Variants in GRIK2 observed in about 807,000 individuals in gnomAD.
GRIK2 encodes the protein glutamate ionotropic receptor kainate type subunit 2.
Under a neutral mutation model 100.3 loss-of-function variants are expected in GRIK2, and 32 were observed. That is an observed-to-expected ratio of 0.32 (90% CI 0.24 to 0.43). The LOEUF is 0.43. GRIK2 is among the 20% of genes least tolerant of loss of function. GRIK2 has a pLI of 1.00. For synonymous variants in GRIK2, 417 were observed against 389.4 expected, an observed-to-expected ratio of 1.07 and a Z score of -0.83; for missense variants, 843 against 1,114.9, an observed-to-expected ratio of 0.76 and a Z score of 3.47.
chr6:101,495,002 A>ATATATAT (rs1773357416), intron 2 of GRIK2, among the ~76,000 whole-genome samples: 1 of 78,254 alleles, frequency 1.3e-5, no homozygotes, highest in Non-Finnish European at 2.8e-5. Flanking sequence ...TATATATATG[A>ATATATAT]AGGAAAATTA....
intron 12 of GRIK2, among the ~76,000 whole-genome samples, chr6:101,892,317 C>T (rs1787158873): frequency 6.6e-6 from 1 of 152,062 alleles, no homozygotes; most frequent in Non-Finnish European, 1.5e-5. Context: ...ATCTGGTTTC[C>T]TTTCTAGCTT....
chr6:101,577,000 T>C (rs955667466), intron 2 of GRIK2, among the ~76,000 whole-genome samples: 1 of 152,006 alleles, frequency 6.6e-6, no homozygotes, highest in African/African-American at 2.4e-5. Context: ...TAGAAGCAAA[T>C]GATAAGGATT....
chr6:101,760,543 A>C (rs1341665026), intron 7 of GRIK2, among the ~76,000 whole-genome samples: 2 of 90,442 alleles, frequency 2.2e-5, no homozygotes, highest in Non-Finnish European at 1.9e-5. Flanking sequence ...ATTTAATTAT[A>C]TATTTATTAT....
At chr6:101,905,684 A>G (rs1175078497) in intron 12 of GRIK2, among the ~76,000 whole-genome samples, 1 of 151,426 alleles carries the variant, frequency 6.6e-6, no homozygotes, top group African/African-American at 2.4e-5. Context: ...TACTACATCT[A>G]TCAATCATCT....
intron 4 of GRIK2, among the ~76,000 whole-genome samples, chr6:101,671,276 A>G (rs1007413609): frequency 1.3e-5 from 2 of 152,206 alleles, no homozygotes; most frequent in African/African-American, 2.4e-5. Context: ...CCTTGATACC[A>G]TATTAGCAAT....
intron 14 of GRIK2, among the ~76,000 whole-genome samples, chr6:101,965,741 T>C (rs976408562): frequency 6.6e-6 from 1 of 152,094 alleles, no homozygotes; most frequent in Non-Finnish European, 1.5e-5. Context: ...GTGGAATTGG[T>C]TAATTTTACC....
intron 2 of GRIK2, among the ~76,000 whole-genome samples, chr6:101,439,458 GA>G (rs1769925457): frequency 6.6e-6 from 1 of 152,026 alleles, no homozygotes; most frequent in Admixed American, 6.6e-5. Flanking sequence ...AACCCTATGA[GA>G]AAATTATCTA....
At chr6:102,006,113 G>C (rs1425628103) in intron 14 of GRIK2, among the ~76,000 whole-genome samples, 1 of 151,846 alleles carries the variant, frequency 6.6e-6, no homozygotes, top group Non-Finnish European at 1.5e-5. Context: ...GTCAACAAAT[G>C]AATTTGAGGG....
At chr6:101,671,757 G>A (rs201620921) in intron 4 of GRIK2, among the ~76,000 whole-genome samples, 1 of 152,038 alleles carries the variant, frequency 6.6e-6, no homozygotes, top group Non-Finnish European at 1.5e-5. Flanking sequence ...CCAGCTACTC[G>A]GGAGGCTGAG....
intron 2 of GRIK2, among the ~76,000 whole-genome samples, chr6:101,484,206 C>A (rs530248962): frequency 6.6e-6 from 1 of 152,214 alleles, no homozygotes; most frequent in Admixed American, 6.5e-5. Context: ...CTTTTGATAG[C>A]ACATATGAAT....
In GRIK2 at chr6:101,686,222, G is replaced by A; in HGVS notation, c.820G>A (p.Val274Ile). ...TGTTGAGCCCTACCGATACAGTGGTGTTAACATGACAGGGTTCAGAATATT... is the reference window on the plus strand; with the variant it reads ...TGTTGAGCCCTACCGATACAGTGGTATTAACATGACAGGGTTCAGAATATT... The part of the protein sequence containing the change: ...LDVEPYRYSG[V>I]NMTGFRILNT... The change falls in exon 7 of 17, where the codon GTT becomes ATT. Residue 274 changes from valine to isoleucine, a missense_variant. Around this residue, in one of 3 missense-constraint regions of GRIK2, gnomAD observed 519 missense variants for 643.8 expected, o/e 0.81. Transcript: ENST00000369134. The A allele has an allele frequency of 6.2e-7, 1 of 1,612,724 alleles. No individual in the cohort carries two copies. The highest frequency in any genetic ancestry group is 8.5e-7 in the Non-Finnish European group (1 of 1,178,876).
chr6:101,856,732 T>G (rs954317170), intron 10 of GRIK2, among the ~76,000 whole-genome samples: 3 of 152,082 alleles, frequency 2.0e-5, no homozygotes, highest in African/African-American at 7.2e-5. Context: ...GTGGGTGTGA[T>G]TAAACAATGA....
At chr6:101,679,779 G>A (rs978768250) in intron 5 of GRIK2, among the ~76,000 whole-genome samples, 19 of 152,124 alleles carry the variant, frequency 1.2e-4, no homozygotes, top group South Asian at 8.3e-4. Context: ...TGGCTCTGTC[G>A]CCCAGGCTAA....
At chr6:101,818,239 CCTTTA>C in intron 9 of GRIK2, 126 bp from the exon 10 acceptor site, 1 of 596,178 alleles carries the variant, frequency 1.7e-6, no homozygotes. Flanking sequence ...AAACAAGCTG[CCTTTA>C]CTTTAACGGC....
intron 2 of GRIK2, among the ~76,000 whole-genome samples, chr6:101,547,867 C>T (rs1776322138): frequency 6.6e-6 from 1 of 152,166 alleles, no homozygotes; most frequent in South Asian, 2.1e-4. Context: ...ATGGTATTTC[C>T]AGTTCTAGAT....
At chr6:101,983,399 C>CCA (rs1156998164) in intron 14 of GRIK2, among the ~76,000 whole-genome samples, 1 of 151,796 alleles carries the variant, frequency 6.6e-6, no homozygotes, top group African/African-American at 2.4e-5. Context: ...CAGAGTATTG[C>CCA]CACAATGTCT....
At chr6:102,053,091 A>AACAACACACACACAC (rs1554197943) in intron 15 of GRIK2, among the ~76,000 whole-genome samples, 2 of 149,268 alleles carry the variant, frequency 1.3e-5, no homozygotes, top group African/African-American at 4.9e-5. Flanking sequence ...CAACAACAAC[A>AACAACACACACACAC]ACACACACAC....
chr6:101,470,850 C>T (rs576017744), intron 2 of GRIK2, among the ~76,000 whole-genome samples: 10 of 152,160 alleles, frequency 6.6e-5, no homozygotes, highest in Non-Finnish European at 7.4e-5. Context: ...CTTTTCACAA[C>T]GAAATAGCAA....
chr6:101,641,966 A>G (rs2128324706), intron 4 of GRIK2, among the ~76,000 whole-genome samples: 1 of 151,980 alleles, frequency 6.6e-6, no homozygotes, highest in Non-Finnish European at 1.5e-5. Flanking sequence ...TATTGTTTGC[A>G]TTTTTCTTGG....
Sources: gnomAD v4.1 joint callset for allele counts (sites outside exome capture counted in the v4.1 genomes callset) on GRCh38, gnomAD v4.1.1 for gene constraint, gnomAD v4.1.1 regional missense constraint, MANE v1.5 for transcripts, NCBI Gene and HGNC (gene_info 2026-07-23, HGNC 2026-07-21) for gene names.